USP48: variants seen among roughly 807,000 people sequenced by gnomAD.
The protein encoded by USP48 is ubiquitin carboxyl-terminal hydrolase 48.
In USP48, 43 loss-of-function variants were observed where a neutral mutation model predicts 150.7. The ratio of observed to expected loss-of-function variants is 0.29; its 90% CI spans 0.22 to 0.37. USP48 has a LOEUF of 0.37. Ranked by LOEUF, USP48 falls within the 10% of genes least tolerant of loss-of-function variation. The probability of loss-of-function intolerance (pLI) is 1.00; values close to 1 mark genes in which losing one functional copy is unlikely to be tolerated. For missense variants in USP48, 813 were observed against 1,249.6 expected (o/e 0.65, Z 5.27); for synonymous variants, 396 against 425.9 (o/e 0.93, Z 0.86).
chr1:21,772,193 T>C (rs1476610558), intron 1 of USP48, among the ~76,000 whole-genome samples: 2 of 152,058 alleles, frequency 1.3e-5, no homozygotes, highest in East Asian at 3.9e-4. Context: ...AACCTCAGAA[T>C]TGGGAAATCC....
chr1:21,723,079 TTC>T (rs1298461955), intron 12 of USP48, among the ~76,000 whole-genome samples: 4 of 152,080 alleles, frequency 2.6e-5, no homozygotes, highest in African/African-American at 9.7e-5. Flanking sequence ...AGAAAAATGT[TTC>T]AAGGAGGCAC....
intron 21 of USP48, among the ~76,000 whole-genome samples, chr1:21,702,461 T>C (rs950788397): frequency 1.3e-5 from 2 of 151,850 alleles, no homozygotes; most frequent in Admixed American, 6.6e-5. Context: ...TTCCCAAACA[T>C]ATCCAATCAA....
chr1:21,699,981 C>T (rs967491670), intron 22 of USP48, among the ~76,000 whole-genome samples: 3 of 148,436 alleles, frequency 2.0e-5, no homozygotes, highest in East Asian at 4.1e-4. Flanking sequence ...GCAGCAAAGT[C>T]ATGTCTGCAA....
At chr1:21,730,271 T>C (rs1364530155) in intron 9 of USP48, among the ~76,000 whole-genome samples, 1 of 151,952 alleles carries the variant, frequency 6.6e-6, no homozygotes, top group Non-Finnish European at 1.5e-5. Flanking sequence ...GGAGAAGCCC[T>C]GTCTCTACTA....
intron 9 of USP48, among the ~76,000 whole-genome samples, chr1:21,731,038 C>T (rs1369876013): frequency 6.6e-6 from 1 of 151,924 alleles, no homozygotes; most frequent in African/African-American, 2.4e-5. Context: ...GGATTACAGG[C>T]GTGAGCCACT....
intron 9 of USP48, chr1:21,732,613 T>C (rs1245645892): frequency 3.4e-4 from 90 of 267,592 alleles, no homozygotes; most frequent in Non-Finnish European, 9.7e-5. Context: ...CAGCACTCTA[T>C]CCAGAAGTAC....
rs1430067910 is a variant in USP48 at position 21,704,508 on chromosome 1, TAG to T, written c.2385-118_2385-117del. On this transcript the variant is annotated intron_variant, in intron 19 of 26. Transcript: ENST00000308271. ...ACACTAACATTTAATCCAAAGGAAT[TAG>T]AGAGAAAAGATACGTATCATCAACA... 4.3e-6 allele frequency: 5 copies of T among 1,167,638 alleles called. No individual in the cohort carries two copies. The Admixed American group carries it at 1.5e-4, about 36-fold the overall frequency. 72.3% of individuals were successfully genotyped at this position (1,167,638 alleles called of 1,614,324 possible).
intron 14 of USP48, among the ~76,000 whole-genome samples, chr1:21,716,606 G>A (rs2097705035): frequency 6.6e-6 from 1 of 152,192 alleles, no homozygotes; most frequent in Non-Finnish European, 1.5e-5. Context: ...TAAAAACTTT[G>A]CTTTTGCTGT....
chr1:21,680,656 G>C, intron 26 of USP48, 152 bp downstream of exon 26: 1 of 739,706 alleles, frequency 1.4e-6, no homozygotes, highest in Non-Finnish European at 2.2e-6. Flanking sequence ...TAATGAAGAA[G>C]CTTGAGTAAG....
intron 2 of USP48, 112 bp from the exon 3 acceptor site, chr1:21,756,814 A>G (rs2097837063): frequency 6.7e-7 from 1 of 1,487,482 alleles, no homozygotes; most frequent in Non-Finnish European, 8.9e-7. Flanking sequence ...GTCACAACCA[A>G]CATGGTATAG....
chr1:21,703,473 T>C (rs1490527798), intron 21 of USP48, 39 bp downstream of exon 21: 14 of 1,531,950 alleles, frequency 9.1e-6, no homozygotes, highest in Non-Finnish European at 1.2e-5. Context: ...AAGAGCACGC[T>C]TGATCATTAC....
chr1:21,728,485 G>A (rs944172888), intron 11 of USP48, 85 bp downstream of exon 11: 23 of 1,520,396 alleles, frequency 1.5e-5, no homozygotes, highest in African/African-American at 2.8e-5. Flanking sequence ...GAGTAAGTTT[G>A]AGAAAGTTTC....
At chr1:21,703,369 G>T in intron 21 of USP48, 143 bp downstream of exon 21, 2 of 527,758 alleles carry the variant, frequency 3.8e-6, no homozygotes, top group Admixed American at 3.4e-5. Context: ...TTCAATTATT[G>T]TCCAATTTCA....
chr1:21,745,413 G>A (rs964501447), intron 8 of USP48, among the ~76,000 whole-genome samples: 6 of 150,494 alleles, frequency 4.0e-5, no homozygotes, highest in South Asian at 2.1e-4. Context: ...TCAAGACCCC[G>A]TCTCTAAAAA....
Position 21,782,992 on chromosome 1 carries a change from C to CGCCGCA in USP48, c.-41_-36dup. On this transcript the variant is annotated 5_prime_UTR_variant, in exon 1 of 27. Transcript: ENST00000308271. ...CCCAGGAACGCCTCCCGAGCCAGAC[C>CGCCGCA]GCCGCAGCCGCCGCCGCGGTCTGCA... 6.7e-7 allele frequency: 1 copy of CGCCGCA among 1,486,390 alleles called. No homozygotes were observed. Among genetic ancestry groups the CGCCGCA allele is most frequent in the Non-Finnish European group, 8.9e-7 (1 of 1,126,450 alleles). 92.1% of individuals were successfully genotyped at this position (1,486,390 alleles called of 1,614,324 possible). A position where few individuals can be genotyped will look rare whatever the true frequency, so the allele number is the denominator to read the frequency against.
chr1:21,685,005 G>C (rs1300037869), intron 25 of USP48, among the ~76,000 whole-genome samples: 2 of 152,148 alleles, frequency 1.3e-5, no homozygotes, highest in East Asian at 3.8e-4. Flanking sequence ...GCTGAGGATT[G>C]ATTTGGCTAT....
intron 26 of USP48, 92 bp from the exon 27 acceptor site, chr1:21,679,531 A>T: frequency 6.7e-7 from 1 of 1,502,802 alleles, no homozygotes; most frequent in African/African-American, 1.4e-5. Flanking sequence ...ATCAACAGGG[A>T]GCATCAAATT....
At chr1:21,756,796 G>A in intron 2 of USP48, 94 bp from the exon 3 acceptor site, 1 of 1,530,782 alleles carries the variant, frequency 6.5e-7, no homozygotes, top group Non-Finnish European at 8.8e-7. Context: ...TTAAAAATGT[G>A]TAAGACCGTC....
At chr1:21,742,484 C>T (rs1004432012) in intron 8 of USP48, among the ~76,000 whole-genome samples, 2 of 149,030 alleles carry the variant, frequency 1.3e-5, no homozygotes, top group Non-Finnish European at 3.0e-5. Context: ...GCGGAGGTTG[C>T]GGTGAGCCAA....
Sources: gnomAD v4.1 joint callset for allele counts (sites outside exome capture counted in the v4.1 genomes callset) on GRCh38, gnomAD v4.1.1 for gene constraint, MANE v1.5 for transcripts, NCBI Gene and HGNC (gene_info 2026-07-23, HGNC 2026-07-21) for gene names.